The following CA10 variants were observed in gnomAD, a reference collection of about 807,000 sequenced individuals.
The protein encoded by CA10 is carbonic anhydrase-related protein 10.
In CA10, 14 loss-of-function variants were observed where a neutral mutation model predicts 44.2. The ratio of observed to expected loss-of-function variants is 0.32; its 90% CI spans 0.21 to 0.50. The LOEUF (loss-of-function observed/expected upper bound fraction) is 0.50. Ranked by LOEUF, CA10 falls within the 20% of genes least tolerant of loss-of-function variation. The probability of loss-of-function intolerance (pLI) is 0.99; values close to 1 mark genes in which losing one functional copy is unlikely to be tolerated. For synonymous variants in CA10, 159 were observed against 141.6 expected, an observed-to-expected ratio of 1.12 and a Z score of -0.87; for missense variants, 350 against 409.7, an observed-to-expected ratio of 0.85 and a Z score of 1.26.
chr17:51,644,800 C>CTTT lies in CA10; in HGVS notation c.634+4379_634+4381dup, dbSNP rs148441183. Reference sequence around the variant, plus strand: ...TCAGATATATCAGTACATTTCTTGGCTTTTTTTTTTTTTTTTTTGACAGAA... The same window carrying CTTT: ...TCAGATATATCAGTACATTTCTTGGCTTTTTTTTTTTTTTTTTTTTTGACAGAA... On this transcript the variant is annotated intron_variant, in intron 6 of 8. Transcript: ENST00000451037. Among the ~76,000 whole-genome samples the CTTT allele has an allele frequency of 7.3e-3, 884 of 121,070 alleles. 22 individuals are homozygous for CTTT. Among genetic ancestry groups the CTTT allele is most frequent in the African/African-American group, 0.025 (820 of 32,368 alleles). The allele number at this position is 121,070 out of a possible 152,430, so 79.4% of individuals were successfully genotyped here.
chr17:51,753,958 C>T (rs1345341515), intron 3 of CA10, among the ~76,000 whole-genome samples: 1 of 152,112 alleles, frequency 6.6e-6, no homozygotes, highest in Non-Finnish European at 1.5e-5. Flanking sequence ...ATTCTCCCTC[C>T]ACAGCCTCCC....
intron 1 of CA10, among the ~76,000 whole-genome samples, chr17:52,122,912 C>T (rs555245286): frequency 1.3e-5 from 2 of 152,210 alleles, no homozygotes; most frequent in South Asian, 2.1e-4. Flanking sequence ...ATCAAAGACT[C>T]TTTTTCTCCC....
chr17:51,832,360 C>T (rs559112149), intron 3 of CA10, among the ~76,000 whole-genome samples: 2 of 152,174 alleles, frequency 1.3e-5, no homozygotes, highest in South Asian at 2.1e-4. Flanking sequence ...GTATATAACC[C>T]GGTAATTTTA....
Position 51,679,282 on chromosome 17 carries a change from T to C in CA10, c.466-25546A>G, listed in dbSNP as rs1180528051. Among the ~76,000 whole-genome samples the C allele has an allele frequency of 4.8e-5, 7 of 147,166 alleles. No homozygotes were observed. The East Asian group carries it at 5.9e-4, about 12-fold the overall frequency. On this transcript the variant is annotated intron_variant, in intron 4 of 8. Coordinates refer to ENST00000451037, the MANE Select transcript of CA10 (RefSeq NM_020178.5). ...TCTTTCTCTTTTTTTTTTTTTGGGA[T>C]GGAGTCTCGCTCTGTCACCCAGGCT...
At chr17:51,739,651 A>T (rs1356808448) in intron 4 of CA10, among the ~76,000 whole-genome samples, 1 of 152,146 alleles carries the variant, frequency 6.6e-6, no homozygotes. Context: ...AATACTGGCA[A>T]TTCAGGAACT....
chr17:51,903,063 G>A (rs894527166), intron 3 of CA10, among the ~76,000 whole-genome samples: 5 of 152,148 alleles, frequency 3.3e-5, no homozygotes. Flanking sequence ...ACAGACACAT[G>A]ATATTTATCC....
At chr17:52,095,961 A>C (rs2143228684) in intron 1 of CA10, among the ~76,000 whole-genome samples, 1 of 152,266 alleles carries the variant, frequency 6.6e-6, no homozygotes, top group Non-Finnish European at 1.5e-5. Flanking sequence ...AGAAAACTTT[A>C]GCTTGAGTCT....
At chr17:52,109,957 A>G (rs1904965895) in intron 1 of CA10, among the ~76,000 whole-genome samples, 1 of 152,210 alleles carries the variant, frequency 6.6e-6, no homozygotes, top group Non-Finnish European at 1.5e-5. Flanking sequence ...TCATGATCAC[A>G]GAAGTTTTAT....
intron 2 of CA10, among the ~76,000 whole-genome samples, chr17:52,050,996 GGAAGGAAGGAAGGAAGGAAC>G (rs1166273225): frequency 6.7e-6 from 1 of 149,324 alleles, no homozygotes; most frequent in Non-Finnish European, 1.5e-5. Flanking sequence ...AAAAAGGGAA[GGAAGGAAGGAAGGAAGGAAC>G]GAAGGAAGGA....
chr17:51,708,285 TG>T (rs1915822090), intron 4 of CA10, among the ~76,000 whole-genome samples: 1 of 152,232 alleles, frequency 6.6e-6, no homozygotes, highest in Non-Finnish European at 1.5e-5. Context: ...ATTGGCTTGC[TG>T]CTCTGATGGC....
In CA10 at chr17:51,633,625, T is replaced by C; in HGVS notation, c.815A>G (p.Gln272Arg). Residue 272 changes from glutamine (Q) to arginine (R), a missense_variant, in exon 8 of 9, where the codon CAG becomes CGG. Transcript: ENST00000451037. ...CAGAAAGATCTGAGATGGCTGGTTC[T>C]GGCTGAGCAGGCGCAAGGAATGCAT... Reference protein sequence around the residue: ...MQMHSLRLLSQNQPSQIFLSM... With the variant: ...MQMHSLRLLSRNQPSQIFLSM... 6 of 1,613,900 alleles carry C rather than the reference T, an allele frequency of 3.7e-6. No homozygotes were observed. Among genetic ancestry groups the C allele is most frequent in the Non-Finnish European group, 5.1e-6 (6 of 1,179,872 alleles).
chr17:52,109,794 C>T (rs1006669744), intron 1 of CA10, among the ~76,000 whole-genome samples: 1 of 152,194 alleles, frequency 6.6e-6, no homozygotes, highest in Non-Finnish European at 1.5e-5. Flanking sequence ...GGAACAGGAG[C>T]ATTGACAGTG....
At chr17:51,889,243 C>A (rs1030297686) in intron 3 of CA10, among the ~76,000 whole-genome samples, 1 of 152,090 alleles carries the variant, frequency 6.6e-6, no homozygotes, top group Admixed American at 6.6e-5. Context: ...AGCAGGTGGG[C>A]AGGTATGGTG....
chr17:51,987,993 TAATA>T (rs1482622716), intron 2 of CA10, among the ~76,000 whole-genome samples: 1 of 152,056 alleles, frequency 6.6e-6, no homozygotes, highest in Non-Finnish European at 1.5e-5. Context: ...TTCAATACTC[TAATA>T]GATAAGTTTG....
intron 4 of CA10, among the ~76,000 whole-genome samples, chr17:51,716,195 C>T (rs577170322): frequency 3.2e-4 from 49 of 152,246 alleles, no homozygotes; most frequent in African/African-American, 1.1e-3. Flanking sequence ...CACCTGGGGA[C>T]GGTCCCCTGG....
At chr17:52,064,644 C>A (rs576704869) in intron 2 of CA10, among the ~76,000 whole-genome samples, 4 of 152,130 alleles carry the variant, frequency 2.6e-5, no homozygotes, top group South Asian at 2.1e-4. Context: ...GGTATAATTA[C>A]CTTCCTTGTC....
chr17:51,837,812 C>A (rs1978292179), intron 3 of CA10, among the ~76,000 whole-genome samples: 1 of 152,054 alleles, frequency 6.6e-6, no homozygotes, highest in South Asian at 2.1e-4. Flanking sequence ...TGAGTCAGGT[C>A]CATGGGAGGC....
chr17:51,738,445 T>C (rs1247763521), intron 4 of CA10, among the ~76,000 whole-genome samples: 4 of 152,212 alleles, frequency 2.6e-5, no homozygotes, highest in Non-Finnish European at 1.5e-5. Flanking sequence ...AAGCATTGCT[T>C]CTGTTCTTAG....
intron 3 of CA10, among the ~76,000 whole-genome samples, chr17:51,875,077 C>T (rs1482157904): frequency 1.3e-5 from 2 of 151,616 alleles, no homozygotes; most frequent in Admixed American, 6.6e-5. Flanking sequence ...GGGCTCAAGC[C>T]ATCCTCCCAC....
Sources: gnomAD v4.1 joint callset for allele counts (sites outside exome capture counted in the v4.1 genomes callset) on GRCh38, gnomAD v4.1.1 for gene constraint, MANE v1.5 for transcripts, NCBI Gene and HGNC (gene_info 2026-07-23, HGNC 2026-07-21) for gene names.